PHF24: variants seen among roughly 807,000 people sequenced by gnomAD.
PHF24 encodes PHD finger protein 24, also known as Galpha inhibitory interacting protein.
Under a neutral mutation model 42.6 loss-of-function variants are expected in PHF24, and 25 were observed. That is an observed-to-expected ratio of 0.59 (90% CI 0.43 to 0.82). The LOEUF is 0.82. PHF24 is among the 40% of genes least tolerant of loss of function. The pLI, the probability that PHF24 is intolerant of heterozygous loss-of-function variation, is 0.00. For missense variants in PHF24, 470 were observed against 538.1 expected (o/e 0.87, Z 1.25); for synonymous variants, 185 against 204.8 (o/e 0.90, Z 0.83).
At chr9:34,936,627 C>T in the PHF24 span, among the ~76,000 whole-genome samples, 92 of 147,024 alleles carry the variant, frequency 6.3e-4, no homozygotes, top group East Asian at 3.5e-3. Context: ...AAGTGAGGAG[C>T]GCCTCTTCCC....
At chr9:34,668,984 A>G in the PHF24 span, among the ~76,000 whole-genome samples, 1 of 152,196 alleles carries the variant, frequency 6.6e-6, no homozygotes, top group Non-Finnish European at 1.5e-5. Flanking sequence ...TTGTGTATTC[A>G]GTGAAAGGCT....
chr9:34,811,449 T>C, the PHF24 span, among the ~76,000 whole-genome samples: 2 of 152,232 alleles, frequency 1.3e-5, no homozygotes, highest in East Asian at 3.8e-4. Flanking sequence ...AAGAGCGAGT[T>C]TGGCTGTCTT....
At chr9:34,940,230 G>T in the PHF24 span, among the ~76,000 whole-genome samples, 1 of 152,088 alleles carries the variant, frequency 6.6e-6, no homozygotes, top group Admixed American at 6.6e-5. Context: ...TATGCCTGCA[G>T]CTGCAGAAAG....
the PHF24 span, among the ~76,000 whole-genome samples, chr9:34,703,969 C>T: frequency 6.6e-6 from 1 of 152,324 alleles, no homozygotes; most frequent in South Asian, 2.1e-4. Flanking sequence ...CCTCCCACCT[C>T]AGCCTCCCAA....
chr9:34,779,871 G>A, the PHF24 span, among the ~76,000 whole-genome samples: 78,226 of 151,992 alleles, frequency 0.51, 22,555 homozygotes, highest in Non-Finnish European at 0.65. Context: ...GAGTACAGGC[G>A]CCTGCCAACA....
chr9:34,979,427 C>T (rs1827315905), exon 8 of PHF24: 1 of 152,268 alleles, frequency 6.6e-6, no homozygotes. Context: ...CTCCAAGCCC[C>T]AGCCCTCCTT....
the PHF24 span, among the ~76,000 whole-genome samples, chr9:34,676,504 C>T: frequency 6.6e-6 from 1 of 152,148 alleles, no homozygotes; most frequent in East Asian, 1.9e-4. Context: ...GTCTGGGCAA[C>T]AGAGTGAGAC....
chr9:34,920,132 A>C, the PHF24 span, among the ~76,000 whole-genome samples: 1 of 152,286 alleles, frequency 6.6e-6, no homozygotes, highest in African/African-American at 2.4e-5. Flanking sequence ...GAACCTCCAT[A>C]CAGTTCTCCA....
At chr9:34,956,669 A>G (rs1302208258), upstream of PHF24, among the ~76,000 whole-genome samples, 1 of 152,236 alleles carries the variant, frequency 6.6e-6, no homozygotes, top group Non-Finnish European at 1.5e-5. Flanking sequence ...AACACTTACT[A>G]AAAACAGTTC....
At chr9:34,699,329 C>T in the PHF24 span, among the ~76,000 whole-genome samples, 1 of 152,202 alleles carries the variant, frequency 6.6e-6, no homozygotes, top group African/African-American at 2.4e-5. Flanking sequence ...ACAGCCCCAA[C>T]CAGGGATGGT....
the PHF24 span, among the ~76,000 whole-genome samples, chr9:34,787,073 G>A: frequency 1.3e-4 from 20 of 152,194 alleles, no homozygotes; most frequent in East Asian, 1.7e-3. Flanking sequence ...CAAGAGATAC[G>A]TCAGGAAAGG....
At chr9:34,893,916 G>T in the PHF24 span, among the ~76,000 whole-genome samples, 1 of 152,254 alleles carries the variant, frequency 6.6e-6, no homozygotes, top group South Asian at 2.1e-4. Flanking sequence ...AGAGCTATTT[G>T]GTATCCCTGC....
the PHF24 span, chr9:34,691,143 G>A: frequency 1.9e-6 from 3 of 1,613,324 alleles, no homozygotes; most frequent in African/African-American, 2.7e-5. Context: ...GGGCCATGGA[G>A]GGTGAACAGA....
At chr9:34,800,768 C>T in the PHF24 span, among the ~76,000 whole-genome samples, 8 of 152,150 alleles carry the variant, frequency 5.3e-5, no homozygotes, top group Non-Finnish European at 8.8e-5. Flanking sequence ...GCAAAGGCTT[C>T]ATGACTAAAA....
At chr9:34,771,133 A>C in the PHF24 span, among the ~76,000 whole-genome samples, 6 of 152,318 alleles carry the variant, frequency 3.9e-5, no homozygotes, top group East Asian at 7.7e-4. Context: ...AAATAAATAA[A>C]TATCTATTGT....
At chr9:34,868,276 C>T in the PHF24 span, among the ~76,000 whole-genome samples, 9 of 152,172 alleles carry the variant, frequency 5.9e-5, no homozygotes, top group Admixed American at 6.5e-5. Context: ...ATCATGACAC[C>T]ATTATCTCAA....
At chr9:34,682,331 T>C in the PHF24 span, among the ~76,000 whole-genome samples, 1 of 152,040 alleles carries the variant, frequency 6.6e-6, no homozygotes, top group Middle Eastern at 3.4e-3. Context: ...TGTGAGAAAA[T>C]AAATTTCTGT....
chr9:34,881,898 C>T, the PHF24 span, among the ~76,000 whole-genome samples: 14 of 152,084 alleles, frequency 9.2e-5, no homozygotes, highest in South Asian at 2.1e-4. Flanking sequence ...AGCCTGACAG[C>T]GACACAACAA....
the PHF24 span, among the ~76,000 whole-genome samples, chr9:34,942,251 G>C: frequency 2.6e-5 from 4 of 152,268 alleles, no homozygotes; most frequent in South Asian, 8.3e-4. Flanking sequence ...TTCCATGTTG[G>C]GACAGAGCAA....
Sources: allele counts gnomAD v4.1 joint callset (sites outside exome capture counted in the v4.1 genomes callset), GRCh38; gene constraint gnomAD v4.1.1; transcripts MANE v1.5; gene names NCBI Gene and HGNC (gene_info 2026-07-23, HGNC 2026-07-21).